Variants in VAT1 observed in about 807,000 individuals in gnomAD.
VAT1 encodes vesicle amine transport 1.
Under a neutral mutation model 33.3 loss-of-function variants are expected in VAT1, and 24 were observed. That is an observed-to-expected ratio of 0.72 (90% confidence interval 0.52 to 1.01). VAT1 has a LOEUF of 1.01. Ranked by LOEUF, VAT1 falls within the 50% of genes least tolerant of loss-of-function variation. The pLI is 0.00. For missense variants in VAT1, 436 were observed against 533.7 expected (o/e 0.82, Z 1.80); for synonymous variants, 212 against 225.0 (o/e 0.94, Z 0.52).
rs1025647996 is a variant in VAT1, at chr17:43,015,300, A to T, written c.*761T>A. ...CTGGGGAGTACAGGGGAGGAGAAGG[A>T]GGTGGGAAACAGGATCCTCCCTCCC... On this transcript the variant is annotated 3_prime_UTR_variant, in exon 6 of 6. Coordinates refer to ENST00000355653, the MANE Select transcript of VAT1 (RefSeq NM_006373.4). 6.5e-6 allele frequency: 1 copy of T among 152,698 alleles called. No homozygotes were observed. The highest frequency in any genetic ancestry group is 1.5e-5 in the Non-Finnish European group (1 of 68,158). 9.5% of individuals were successfully genotyped at this position (152,698 alleles called of 1,614,324 possible). A position where few individuals can be genotyped will look rare whatever the true frequency, so the allele number is the denominator to read the frequency against.
At chr17:43,018,445 A>G (rs1477998765) in intron 2 of VAT1, 147 bp downstream of exon 2, 7 of 1,012,054 alleles carry the variant, frequency 6.9e-6, no homozygotes, top group Non-Finnish European at 1.0e-5. Context: ...GAATGTTACC[A>G]CGGCAACTAC....
At position 43,022,246 on chromosome 17, in the gene VAT1, G is replaced by C; in HGVS notation, c.77C>G (p.Ala26Gly). Reference protein sequence around the residue: ...ASSPPPKTEAASDPQHPAASE... With the variant: ...ASSPPPKTEAGSDPQHPAASE... ...GGCCGCGGGATGCTGGGGGTCGCTC[G>C]CTGCCTCGGTTTTCGGAGGCGGCGA... Residue 26 changes from alanine to glycine, a missense_variant, in exon 1 of 6, where the codon GCG (alanine) becomes GGG (glycine). By Grantham distance (60) the Ala-to-Gly change is moderately conservative. This residue lies in a region of VAT1 where 154 missense variants were observed against 128.3 expected (regional missense o/e 1.20). Coordinates refer to ENST00000355653, the MANE Select transcript of VAT1 (RefSeq NM_006373.4). 4 of 1,579,206 alleles carry C rather than the reference G, an allele frequency of 2.5e-6. No homozygotes were observed. Among genetic ancestry groups the C allele is most frequent in the Non-Finnish European group, 3.4e-6 (4 of 1,163,488 alleles).
intron 1 of VAT1, among the ~76,000 whole-genome samples, chr17:43,021,340 G>A (rs951583458): frequency 1.4e-4 from 21 of 152,136 alleles, no homozygotes; most frequent in African/African-American, 4.8e-4. Context: ...GGCTGGTGGC[G>A]GTGGGGTAGC....
chr17:43,021,679 C>G (rs1046562316), intron 1 of VAT1, among the ~76,000 whole-genome samples: 3 of 152,098 alleles, frequency 2.0e-5, no homozygotes, highest in East Asian at 3.9e-4. Context: ...TGTTTTCCCC[C>G]CCACCAGCAC....
intron 4 of VAT1, among the ~76,000 whole-genome samples, chr17:43,016,902 C>T (rs964752031): frequency 1.3e-5 from 2 of 150,898 alleles, no homozygotes; most frequent in African/African-American, 2.4e-5. Context: ...TGGTGGCTCA[C>T]GCCTATAATC....
chr17:43,018,023 T>C lies in VAT1; in HGVS notation c.766+13A>G. On this transcript the variant is annotated intron_variant, in intron 3 of 5. Coordinates refer to ENST00000355653, the MANE Select transcript of VAT1 (RefSeq NM_006373.4). ...CTGTGCCTCCCTACCCCCTCCCATA[T>C]TATGCCCCCCACCTTTAGGGGAAAT... 6.2e-7 allele frequency: 1 copy of C among 1,608,260 alleles called. No individual in the cohort carries two copies. Among genetic ancestry groups the C allele is most frequent in the Non-Finnish European group, 8.5e-7 (1 of 1,175,344 alleles).
At chr17:43,020,101 C>T (rs2050554319) in intron 1 of VAT1, 2 of 985,448 alleles carry the variant, frequency 2.0e-6, no homozygotes, top group Non-Finnish European at 2.4e-6. Flanking sequence ...CATTTAGGGT[C>T]ATGGCCAGTC....
In VAT1 at chr17:43,017,843, T is replaced by C. The variant is rs184848874; in HGVS notation, c.854A>G (p.Tyr285Cys). 9.4e-5 allele frequency: 151 copies of C among 1,613,662 alleles called. 1 individual carries two copies. Among genetic ancestry groups the C allele is most frequent in the Middle Eastern group, 1.6e-4 (1 of 6,062 alleles). ...LLKPMGKVVT[Y>C]GMANLLTGPK... ...CCATCCCTGGCCCACTAACTCACCA[T>C]AGGTGACGACTTTGCCCATGGGTTT... Residue 285 changes from tyrosine (Y) to cysteine (C), a missense_variant and splice_region_variant, in exon 4 of 6, where the codon TAT (tyrosine) becomes TGT (cysteine). Physicochemically the swap from Tyr to Cys is radical, Grantham distance 194. This residue lies in a region of VAT1 where 282 missense variants were observed against 405.4 expected (regional missense o/e 0.70). Transcript: ENST00000355653.
At position 43,015,866 on chromosome 17, in the gene VAT1, A is replaced by G. The variant is rs1237389325; in HGVS notation, c.*195T>C. 5 of 674,266 alleles carry G rather than the reference A, an allele frequency of 7.4e-6. No homozygotes were observed. The highest frequency in any genetic ancestry group is 1.3e-5 in the Non-Finnish European group (5 of 386,352). The allele number at this position is 674,266 out of a possible 1,614,324, so 41.8% of individuals were successfully genotyped here. On this transcript the variant is annotated 3_prime_UTR_variant, in exon 6 of 6. Coordinates refer to ENST00000355653, the MANE Select transcript of VAT1 (RefSeq NM_006373.4). ...CGCCTTGGCAGGGCCCAGACATCCA[A>G]ATGGTCACTTCCCAACCTCTTCAGA...
intron 1 of VAT1, among the ~76,000 whole-genome samples, chr17:43,021,357 T>A (rs1231792259): frequency 6.6e-6 from 1 of 151,960 alleles, no homozygotes; most frequent in Non-Finnish European, 1.5e-5. Flanking sequence ...TAGCAAAGGC[T>A]CTCTCTCCTC....
chr17:43,021,834 C>G (rs76578909), intron 1 of VAT1, 102 bp downstream of exon 1: 1 of 1,506,736 alleles, frequency 6.6e-7, no homozygotes, highest in African/African-American at 1.4e-5. Context: ...CCCAGGTCCG[C>G]GCCAGTTTCT....
chr17:43,018,147 C>T lies in VAT1; in HGVS notation c.655G>A (p.Gly219Arg), dbSNP rs985472776. 9.3e-6 allele frequency: 15 copies of T among 1,614,110 alleles called. No individual in the cohort carries two copies. The highest frequency in any genetic ancestry group is 1.1e-5 in the South Asian group (1 of 91,084). ...TCGTGCTTGCTGGCCGAGGCCGTTC[C>T]GAACACTGTCACATTCTCCACTGTA... is the stretch of plus-strand genomic sequence containing the variant. ...CRTVENVTVF[G>R]TASASKHEAL... Residue 219 changes from glycine (G) to arginine (R), a missense_variant, in exon 3 of 6, where the codon GGA becomes AGA. By Grantham distance (125) the Gly-to-Arg change is moderately radical. Transcript: ENST00000355653.
In VAT1 at chr17:43,022,141, T is replaced by C; in HGVS notation, c.182A>G (p.Lys61Arg). 2 of 1,560,772 alleles carry C rather than the reference T, an allele frequency of 1.3e-6. No individual in the cohort carries two copies. The highest frequency in any genetic ancestry group is 8.7e-7 in the Non-Finnish European group (1 of 1,152,562). ...TGCCGGCCGGCTCTGCAGCTTCACC[T>C]TGTCGTAGCCTCCAAAGCCGGTGAG... Reference protein sequence around the residue: ...LVLTGFGGYDKVKLQSRPAAP... With the variant: ...LVLTGFGGYDRVKLQSRPAAP... The change falls in exon 1 of 6, where the codon AAG becomes AGG. Residue 61 changes from lysine to arginine, a missense_variant. Transcript: ENST00000355653.
rs1280031942 is a variant in VAT1, at chr17:43,021,526, G to T, written c.387+410C>A. On this transcript the variant is annotated intron_variant, in intron 1 of 5. Transcript: ENST00000355653. ...CCCTCAAGCTCCCTCGGGGAAAGGG[G>T]GCACTAACCGTCACTCATAGTCACA... is the stretch of plus-strand genomic sequence containing the variant. Among the ~76,000 whole-genome samples the T allele has an allele frequency of 3.4e-5, 5 of 148,292 alleles. No homozygotes were observed. In the East Asian group the frequency reaches 8.3e-4, roughly 24 times the overall value.
chr17:43,019,905 G>A (rs919103042), intron 1 of VAT1, among the ~76,000 whole-genome samples: 7 of 152,018 alleles, frequency 4.6e-5, no homozygotes, highest in African/African-American at 1.7e-4. Flanking sequence ...TGCCACTTAC[G>A]CCCTTTTTCA....
rs910569536 is a variant in VAT1 at position 43,015,923 on chromosome 17, G to A, written c.*138C>T. The A allele has an allele frequency of 9.8e-6, 9 of 919,512 alleles. No individual in the cohort carries two copies. The highest frequency in any genetic ancestry group is 4.8e-5 in the East Asian group (2 of 41,556). The allele number at this position is 919,512 out of a possible 1,614,324, so 57.0% of individuals were successfully genotyped here. ...GAAGCGGGGAGGGGCAGGGGAGAGCGGTCATCACCACAGAGACCTTCGGGG... is the reference window on the plus strand; with the variant it reads ...GAAGCGGGGAGGGGCAGGGGAGAGCAGTCATCACCACAGAGACCTTCGGGG... On this transcript the variant is annotated 3_prime_UTR_variant, in exon 6 of 6. Transcript: ENST00000355653.
Position 43,022,276 on chromosome 17 carries a change from G to C in VAT1, c.47C>G (p.Ala16Gly). Residue 16 changes from alanine (A) to glycine (G), a missense_variant, in exon 1 of 6, where the codon GCC becomes GGC. This residue lies in a region of VAT1 where 154 missense variants were observed against 128.3 expected (regional missense o/e 1.20). Coordinates refer to ENST00000355653, the MANE Select transcript of VAT1 (RefSeq NM_006373.4). ...EVAEAATGEDASSPPPKTEAA... is the reference protein window; with the variant it reads ...EVAEAATGEDGSSPPPKTEAA... ...CTCGGTTTTCGGAGGCGGCGAAGAG[G>C]CGTCTTCCCCGGTCGCTGCCTCGGC... is the stretch of plus-strand genomic sequence containing the variant. 1.3e-6 allele frequency: 2 copies of C among 1,590,424 alleles called. No homozygotes were observed. The highest frequency in any genetic ancestry group is 1.7e-6 in the Non-Finnish European group (2 of 1,170,586).
At chr17:43,021,636 G>T (rs987813845) in intron 1 of VAT1, among the ~76,000 whole-genome samples, 3 of 149,430 alleles carry the variant, frequency 2.0e-5, no homozygotes, top group Non-Finnish European at 3.0e-5. Flanking sequence ...GGGGACGGTA[G>T]TGTGGTTGTG....
chr17:43,022,286 C>A lies in VAT1; in HGVS notation c.37G>T (p.Gly13Trp). Residue 13 changes from glycine to tryptophan, a missense_variant, in exon 1 of 6, where the codon GGG (glycine) becomes TGG (tryptophan). Physicochemically the swap from Gly to Trp is radical, Grantham distance 184. This residue lies in a region of VAT1 where 154 missense variants were observed against 128.3 expected (regional missense o/e 1.20). Transcript: ENST00000355653. Reference sequence around the variant, plus strand: ...GGAGGCGGCGAAGAGGCGTCTTCCCCGGTCGCTGCCTCGGCTACCTCTCTC... The same window carrying A: ...GGAGGCGGCGAAGAGGCGTCTTCCCAGGTCGCTGCCTCGGCTACCTCTCTC... ...DEREVAEAAT[G>W]EDASSPPPKT... is the part of the protein sequence containing the mutation. 6.3e-7 allele frequency: 1 copy of A among 1,587,496 alleles called. No homozygotes were observed. The highest frequency in any genetic ancestry group is 1.3e-5 in the African/African-American group (1 of 74,434).
Sources: allele counts gnomAD v4.1 joint callset (sites outside exome capture counted in the v4.1 genomes callset), GRCh38; gene constraint gnomAD v4.1.1; regional missense constraint gnomAD v4.1.1; transcripts MANE v1.5; gene names NCBI Gene and HGNC (gene_info 2026-07-23, HGNC 2026-07-21).